Variants in MEF2A observed in about 807,000 individuals in gnomAD.
MEF2A encodes myocyte-specific enhancer factor 2A.
In MEF2A, 28 loss-of-function variants were observed where a neutral mutation model predicts 55.8. The observed-to-expected ratio is 0.50, with a 90% CI of 0.37 to 0.69. The LOEUF is 0.69. Among genes scored for constraint, MEF2A ranks in the 30% least tolerant of loss-of-function variants. The pLI is 0.00. For synonymous variants in MEF2A, 239 were observed against 227.1 expected (o/e 1.05, Z -0.47); for missense variants, 528 against 626.2 (o/e 0.84, Z 1.67).
intron 3 of MEF2A, among the ~76,000 whole-genome samples, chr15:99,641,631 G>A (rs1367696628): frequency 2.0e-5 from 3 of 152,134 alleles, no homozygotes; most frequent in African/African-American, 7.2e-5. Flanking sequence ...GCTGAGGCAG[G>A]AGAACGGCAT....
At chr15:99,702,974 A>G (rs920902067) in intron 8 of MEF2A, among the ~76,000 whole-genome samples, 6 of 152,224 alleles carry the variant, frequency 3.9e-5, no homozygotes, top group African/African-American at 1.4e-4. Context: ...GGGTAATAGT[A>G]GGGTGATTAA....
chr15:99,666,436 AGGGAGTG>A (rs972238932), intron 4 of MEF2A, among the ~76,000 whole-genome samples: 1 of 151,904 alleles, frequency 6.6e-6, no homozygotes, highest in African/African-American at 2.4e-5. Context: ...GGGGCTTGTC[AGGGAGTG>A]GGGGGCTAGT....
At position 99,679,502 on chromosome 15, in the gene MEF2A, C is replaced by CA. The variant is rs1240401069; in HGVS notation, c.670+4051dup. ...ACTATATAAAGTTTGAAAAGCAGGC[C>CA]AAAAAAACTATAGTGTTTGGGATGC... is the stretch of plus-strand genomic sequence containing the variant. On this transcript the variant is annotated intron_variant, in intron 7 of 11. Coordinates refer to ENST00000557942, the MANE Select transcript of MEF2A (RefSeq NM_001319206.4). Among the ~76,000 whole-genome samples the CA allele has an allele frequency of 4.6e-5, 7 of 151,892 alleles. No homozygotes were observed. The South Asian group carries it at 6.2e-4, about 13-fold the overall frequency.
At chr15:99,591,013 C>G (rs1450235349) in intron 1 of MEF2A, among the ~76,000 whole-genome samples, 1 of 152,098 alleles carries the variant, frequency 6.6e-6, no homozygotes, top group Non-Finnish European at 1.5e-5. Context: ...ACAGAAAGTA[C>G]AGAGTTCATA....
intron 9 of MEF2A, chr15:99,706,518 C>A: frequency 5.6e-6 from 3 of 533,080 alleles, no homozygotes; most frequent in Non-Finnish European, 9.9e-6. Context: ...TGACACTAAT[C>A]AACTATTTTA....
chr15:99,595,018 T>C (rs1305176322), intron 1 of MEF2A, among the ~76,000 whole-genome samples: 1 of 152,194 alleles, frequency 6.6e-6, no homozygotes, highest in Non-Finnish European at 1.5e-5. Context: ...TCATTTTTTT[T>C]CCACCTCTTT....
chr15:99,694,334 T>C (rs2056062167), intron 8 of MEF2A, among the ~76,000 whole-genome samples: 2 of 152,238 alleles, frequency 1.3e-5, no homozygotes, highest in Admixed American at 1.3e-4. Context: ...GAGTGCCTAC[T>C]ACATTTATTA....
At chr15:99,581,688 G>A (rs1357305731) in intron 1 of MEF2A, among the ~76,000 whole-genome samples, 1 of 152,060 alleles carries the variant, frequency 6.6e-6, no homozygotes, top group Non-Finnish European at 1.5e-5. Context: ...ACATATATAA[G>A]ATATAGCTCT....
chr15:99,622,464 T>C (rs958123448), intron 2 of MEF2A, among the ~76,000 whole-genome samples: 6 of 152,194 alleles, frequency 3.9e-5, no homozygotes, highest in African/African-American at 1.4e-4. Context: ...AGTGGTTAGC[T>C]TGAATTAATA....
intron 4 of MEF2A, among the ~76,000 whole-genome samples, chr15:99,661,236 C>T (rs1409797575): frequency 1.3e-5 from 2 of 151,834 alleles, no homozygotes; most frequent in Non-Finnish European, 1.5e-5. Context: ...TGCTTATAGA[C>T]CTAAATGTAA....
chr15:99,642,310 A>G (rs903581177), intron 3 of MEF2A, among the ~76,000 whole-genome samples: 11 of 152,150 alleles, frequency 7.2e-5, no homozygotes, highest in Non-Finnish European at 2.9e-5. Context: ...CTTAATCTGA[A>G]TATGCCATGA....
chr15:99,681,594 C>T (rs2053260468), intron 7 of MEF2A, among the ~76,000 whole-genome samples: 2 of 152,094 alleles, frequency 1.3e-5, no homozygotes, highest in African/African-American at 4.8e-5. Flanking sequence ...TTGGGGGCTG[C>T]CCACATGGGA....
chr15:99,671,278 G>T, intron 4 of MEF2A, 45 bp from the exon 5 acceptor site: 2 of 1,575,078 alleles, frequency 1.3e-6, no homozygotes, highest in Non-Finnish European at 1.7e-6. Context: ...AAAACTCATG[G>T]CAAGTTAGCA....
In MEF2A at chr15:99,605,894, C is replaced by G. The variant is rs541753461; in HGVS notation, c.-143+7383C>G. On this transcript the variant is annotated intron_variant, in intron 2 of 11. Transcript: ENST00000557942. The stretch of plus-strand genomic sequence containing the variant: ...CTTAGGCAGGAGGATCACTTGAGAC[C>G]GGGAGGCAGAGGTTGCAGTGAGCCG... 2.0e-5 allele frequency among the ~76,000 whole-genome samples: 3 copies of G among 152,134 alleles called. No individual in the cohort carries two copies. The South Asian group carries it at 6.2e-4, about 32-fold the overall frequency.
Position 99,633,906 on chromosome 15 carries a change from A to G in MEF2A, c.54+733A>G, listed in dbSNP as rs79164631. Among the ~76,000 whole-genome samples the G allele has an allele frequency of 8.7e-3, 1,324 of 152,342 alleles. 26 individuals carry two copies. The highest frequency in any genetic ancestry group is 0.03 in the African/African-American group (1,243 of 41,580). On this transcript the variant is annotated intron_variant, in intron 3 of 11. Transcript: ENST00000557942. ...TATTGTCTATGGCTGCTTTCGCATTATAACAACAGAATTGAGTAGTTGCCC... is the reference window on the plus strand; with the variant it reads ...TATTGTCTATGGCTGCTTTCGCATTGTAACAACAGAATTGAGTAGTTGCCC...
chr15:99,587,241 T>C (rs990541159), intron 1 of MEF2A, among the ~76,000 whole-genome samples: 4 of 152,058 alleles, frequency 2.6e-5, no homozygotes, highest in African/African-American at 9.7e-5. Flanking sequence ...CGGTGTGTGA[T>C]GTTCCCCTCC....
chr15:99,610,956 A>G (rs1977034686), intron 2 of MEF2A, among the ~76,000 whole-genome samples: 1 of 152,232 alleles, frequency 6.6e-6, no homozygotes, highest in South Asian at 2.1e-4. Context: ...TATCAAGGAA[A>G]TGAGGCCGGG....
chr15:99,591,606 A>G (rs768692042), intron 1 of MEF2A, among the ~76,000 whole-genome samples: 13 of 151,990 alleles, frequency 8.6e-5, no homozygotes, highest in Non-Finnish European at 1.6e-4. Context: ...TTCGTCATGT[A>G]TTTTTTGTTT....
intron 1 of MEF2A, among the ~76,000 whole-genome samples, chr15:99,570,679 C>G (rs185786963): frequency 1.3e-5 from 2 of 152,118 alleles, no homozygotes; most frequent in African/African-American, 4.8e-5. Flanking sequence ...ATAAAACAAG[C>G]GGCTCTTGCA....
Sources: gnomAD v4.1 joint callset for allele counts (sites outside exome capture counted in the v4.1 genomes callset) on GRCh38, gnomAD v4.1.1 for gene constraint, MANE v1.5 for transcripts, NCBI Gene and HGNC (gene_info 2026-07-23, HGNC 2026-07-21) for gene names.